Variants in FBXO8 observed in about 807,000 individuals in gnomAD.
The protein encoded by FBXO8 is F-box only protein 8.
In FBXO8, 15 loss-of-function variants were observed where a neutral mutation model predicts 33.4. That is an observed-to-expected ratio of 0.45 (90% CI 0.30 to 0.69). The LOEUF (loss-of-function observed/expected upper bound fraction) is 0.69, where lower values mean the gene tolerates loss of function less well. Among genes scored for constraint, FBXO8 ranks in the 30% least tolerant of loss-of-function variants. The pLI is 0.08. For synonymous variants in FBXO8, 132 were observed against 131.5 expected (o/e 1.00, Z -0.02); for missense variants, 274 against 380.3 (o/e 0.72, Z 2.32).
Position 174,257,803 on chromosome 4 carries a change from C to T in FBXO8, c.456+1896G>A, listed in dbSNP as rs553230602. On this transcript the variant is annotated intron_variant, in intron 3 of 5. Coordinates refer to ENST00000393674, the MANE Select transcript of FBXO8 (RefSeq NM_012180.3). This position sits in a 1 kb window ranked among gnomAD's most constrained non-coding sequence, Gnocchi z 4.3. Reference sequence around the variant, plus strand: ...AGAGTCTCACTCTCACAACTTACTGCGCCCTTGACCTCTGGGGCTCAAGTG... The same window carrying T: ...AGAGTCTCACTCTCACAACTTACTGTGCCCTTGACCTCTGGGGCTCAAGTG... Among the ~76,000 whole-genome samples, 15 of 152,164 alleles carry T rather than the reference C, an allele frequency of 9.9e-5. No homozygotes were observed. Among genetic ancestry groups the T allele is most frequent in the East Asian group, 7.7e-4 (4 of 5,174 alleles).
At position 174,251,060 on chromosome 4, in the gene FBXO8, T is replaced by C. The variant is rs553338450; in HGVS notation, c.456+8639A>G. On this transcript the variant is annotated intron_variant, in intron 3 of 5. Transcript: ENST00000393674. This position sits in a 1 kb window ranked among gnomAD's most constrained non-coding sequence, Gnocchi z 4.2. Reference sequence around the variant, plus strand: ...CAATGTACCACTGTAAAGTCTCTAGTTACAATTACTTAAATTGCTAACAAA... The same window carrying C: ...CAATGTACCACTGTAAAGTCTCTAGCTACAATTACTTAAATTGCTAACAAA... Among the ~76,000 whole-genome samples, 81 of 152,252 alleles carry C rather than the reference T, an allele frequency of 5.3e-4. No homozygotes were observed. Among genetic ancestry groups the C allele is most frequent in the African/African-American group, 1.9e-3 (77 of 41,552 alleles).
intron 1 of FBXO8, among the ~76,000 whole-genome samples, chr4:174,279,371 T>C (rs993264598): frequency 2.6e-5 from 4 of 151,950 alleles, no homozygotes; most frequent in Non-Finnish European, 4.4e-5. Context: ...GAAAGACAAA[T>C]AAATGGAAGT....
intron 1 of FBXO8, among the ~76,000 whole-genome samples, chr4:174,268,104 G>T (rs1039418379): frequency 1.3e-5 from 2 of 152,130 alleles, no homozygotes; most frequent in African/African-American, 2.4e-5. Context: ...TGTTATTCAT[G>T]GCAATTATGT....
At chr4:174,248,975 GGT>G (rs1170701815) in intron 3 of FBXO8, among the ~76,000 whole-genome samples, 1 of 151,950 alleles carries the variant, frequency 6.6e-6, no homozygotes, top group African/African-American at 2.4e-5. Context: ...GTATAGGACA[GGT>G]CTTCCTGCTT....
At position 174,272,441 on chromosome 4, in the gene FBXO8, A is replaced by G. The variant is rs186082599; in HGVS notation, c.-8-9341T>C. ...ATTTATTGTTGTACTGTTACTTTCT[A>G]TTTTTTTCCAAATAGTTTCAATTGT... On this transcript the variant is annotated intron_variant, in intron 1 of 5. Transcript: ENST00000393674. The surrounding 1 kb of genome is among the most constrained non-coding windows in gnomAD (Gnocchi z 4.7). 6.6e-5 allele frequency among the ~76,000 whole-genome samples: 10 copies of G among 152,198 alleles called. No homozygotes were observed. In the East Asian group the frequency reaches 1.7e-3, roughly 26 times the overall value.
intron 3 of FBXO8, among the ~76,000 whole-genome samples, chr4:174,243,736 T>C (rs1160722584): frequency 1.3e-5 from 2 of 151,206 alleles, no homozygotes; most frequent in Non-Finnish European, 3.0e-5. Flanking sequence ...TAGTCAGGAC[T>C]AGAACTCTGA....
In FBXO8 at chr4:174,254,028, G is replaced by C. The variant is rs1291595711; in HGVS notation, c.456+5671C>G. 1.3e-5 allele frequency among the ~76,000 whole-genome samples: 2 copies of C among 152,088 alleles called. No homozygotes were observed. The highest frequency in any genetic ancestry group is 4.8e-5 in the African/African-American group (2 of 41,406). On this transcript the variant is annotated intron_variant, in intron 3 of 5. Transcript: ENST00000393674. The surrounding 1 kb of genome is among the most constrained non-coding windows in gnomAD (Gnocchi z 4.2). ...TCTTTTGAAGTAAACAAATGTAAAG[G>C]GTTTAAGTCACAGTTTAGGTTCTCT...
At chr4:174,276,385 G>A (rs557994232) in intron 1 of FBXO8, among the ~76,000 whole-genome samples, 7 of 152,066 alleles carry the variant, frequency 4.6e-5, no homozygotes, top group Admixed American at 2.6e-4. Context: ...CTACAGGCGC[G>A]CACCGCCATG....
In FBXO8 at chr4:174,259,519, T is replaced by A. The variant is rs529245866; in HGVS notation, c.456+180A>T. Among the ~76,000 whole-genome samples the A allele has an allele frequency of 5.3e-5, 8 of 152,204 alleles. No homozygotes were observed. The East Asian group carries it at 5.8e-4, about 11-fold the overall frequency. ...CAGGTAGAAAGGTTAGAACGTGACA[T>A]GGTAAGGCGAAGAAAAATGACTATG... On this transcript the variant is annotated intron_variant, in intron 3 of 5. Coordinates refer to ENST00000393674, the MANE Select transcript of FBXO8 (RefSeq NM_012180.3). The surrounding 1 kb of genome is among the most constrained non-coding windows in gnomAD (Gnocchi z 4.3).
At position 174,281,213 on chromosome 4, in the gene FBXO8, ACAAATCACTACTCCATATAG is replaced by A. The variant is rs1195589223; in HGVS notation, c.-9+2177_-9+2196del. On this transcript the variant is annotated intron_variant, in intron 1 of 5. Transcript: ENST00000393674. This position sits in a 1 kb window ranked among gnomAD's most constrained non-coding sequence, Gnocchi z 4.6. ...TTTTTTCCCTATATTCATGACTTCC[ACAAATCACTACTCCATATAG>A]AGTCTCTCCAAGCTTGGCTTACTTG... Among the ~76,000 whole-genome samples the A allele has an allele frequency of 2.0e-5, 3 of 152,020 alleles. No homozygotes were observed. The highest frequency in any genetic ancestry group is 6.6e-5 in the Admixed American group (1 of 15,242).
rs1240797548 is a variant in FBXO8, at chr4:174,237,049, A to T, written c.*363T>A. On this transcript the variant is annotated 3_prime_UTR_variant, in exon 6 of 6. Coordinates refer to ENST00000393674, the MANE Select transcript of FBXO8 (RefSeq NM_012180.3). This position sits in a 1 kb window ranked among gnomAD's most constrained non-coding sequence, Gnocchi z 4.4. The stretch of plus-strand genomic sequence containing the variant: ...TATAAATCTCTTTAGTTAAATATGT[A>T]CACATTACATGGTATTTGTATAAAG... 6.1e-6 allele frequency: 1 copy of T among 164,740 alleles called. No homozygotes were observed. Among genetic ancestry groups the T allele is most frequent in the Non-Finnish European group, 1.3e-5 (1 of 75,856 alleles). 10.2% of individuals were successfully genotyped at this position (164,740 alleles called of 1,614,324 possible).
chr4:174,259,643 T>C lies in FBXO8; in HGVS notation c.456+56A>G. The C allele has an allele frequency of 6.4e-7, 1 of 1,568,042 alleles. No individual in the cohort carries two copies. Among genetic ancestry groups the C allele is most frequent in the Non-Finnish European group, 8.6e-7 (1 of 1,164,394 alleles). ...CTGCTAGTTTATGATATTGGAAAGC[T>C]GCAGCAAGATAGTAATAAAGGTCAC... On this transcript the variant is annotated intron_variant, in intron 3 of 5. Transcript: ENST00000393674. The surrounding 1 kb of genome is among the most constrained non-coding windows in gnomAD (Gnocchi z 4.3).
rs934614090 is a variant in FBXO8 at position 174,275,605 on chromosome 4, T to G, written c.-9+7805A>C. 7.2e-5 allele frequency among the ~76,000 whole-genome samples: 11 copies of G among 152,176 alleles called. No homozygotes were observed. The highest frequency in any genetic ancestry group is 2.7e-4 in the African/African-American group (11 of 41,456). On this transcript the variant is annotated intron_variant, in intron 1 of 5. Coordinates refer to ENST00000393674, the MANE Select transcript of FBXO8 (RefSeq NM_012180.3). This position sits in a 1 kb window ranked among gnomAD's most constrained non-coding sequence, Gnocchi z 4.4. ...CACATTTAAAGTGAATGAATTTTAT[T>G]GTATGTAAATGATACCTTAATAAAG...
rs1391218793 is a variant in FBXO8, at chr4:174,265,480, G to A, written c.-8-2380C>T. ...CATTATGCGAATGTATAAATAAGCT[G>A]TGGTACAGTATATCTATACAATGGG... On this transcript the variant is annotated intron_variant, in intron 1 of 5. Coordinates refer to ENST00000393674, the MANE Select transcript of FBXO8 (RefSeq NM_012180.3). The surrounding 1 kb of genome is among the most constrained non-coding windows in gnomAD (Gnocchi z 4.7). 6.6e-6 allele frequency among the ~76,000 whole-genome samples: 1 copy of A among 152,132 alleles called. No individual in the cohort carries two copies. Among genetic ancestry groups the A allele is most frequent in the Non-Finnish European group, 1.5e-5 (1 of 67,992 alleles).
intron 5 of FBXO8, among the ~76,000 whole-genome samples, chr4:174,238,687 TAATA>T (rs1735947972): frequency 6.7e-6 from 1 of 149,170 alleles, no homozygotes; most frequent in Non-Finnish European, 1.5e-5. Context: ...TATAAATTTG[TAATA>T]TATATATTTA....
intron 1 of FBXO8, among the ~76,000 whole-genome samples, chr4:174,280,876 G>A (rs984287387): frequency 3.3e-5 from 5 of 152,160 alleles, no homozygotes; most frequent in African/African-American, 7.2e-5. Flanking sequence ...CTAGGAATGG[G>A]GAAGGGGAAT....
rs952238786 is a variant in FBXO8 at position 174,247,732 on chromosome 4, T to C, written c.457-6514A>G. 6.6e-6 allele frequency among the ~76,000 whole-genome samples: 1 copy of C among 152,030 alleles called. No homozygotes were observed. Among genetic ancestry groups the C allele is most frequent in the Non-Finnish European group, 1.5e-5 (1 of 67,978 alleles). On this transcript the variant is annotated intron_variant, in intron 3 of 5. Coordinates refer to ENST00000393674, the MANE Select transcript of FBXO8 (RefSeq NM_012180.3). This position sits in a 1 kb window ranked among gnomAD's most constrained non-coding sequence, Gnocchi z 4.6. ...AATGTAAAAATTAAGTGACACAATA[T>C]ACGTTATTAATAGTAAAAATAATTG...
chr4:174,253,942 AC>A lies in FBXO8; in HGVS notation c.456+5756del, dbSNP rs143637356. On this transcript the variant is annotated intron_variant, in intron 3 of 5. Coordinates refer to ENST00000393674, the MANE Select transcript of FBXO8 (RefSeq NM_012180.3). The surrounding 1 kb of genome is among the most constrained non-coding windows in gnomAD (Gnocchi z 4.5). ...ATCAAGAGAGGGTGAAAGTCAACAC[AC>A]TCAGGTCCATCAAGAGATCATCATC... is the stretch of plus-strand genomic sequence containing the variant. Among the ~76,000 whole-genome samples the A allele has an allele frequency of 4.8e-3, 735 of 152,214 alleles. 5 individuals carry two copies. The highest frequency in any genetic ancestry group is 0.017 in the African/African-American group (690 of 41,534).
rs1257708110 is a variant in FBXO8, at chr4:174,262,995, A to G, written c.98T>C (p.Met33Thr). 1 of 1,613,946 alleles carries G rather than the reference A, an allele frequency of 6.2e-7. No individual in the cohort carries two copies. The highest frequency in any genetic ancestry group is 8.5e-7 in the Non-Finnish European group (1 of 1,179,942). The change falls in exon 2 of 6, where the codon ATG becomes ACG. Residue 33 changes from methionine (M) to threonine (T), a missense_variant. Physicochemically the swap from Met to Thr is moderately conservative, Grantham distance 81. Coordinates refer to ENST00000393674, the MANE Select transcript of FBXO8 (RefSeq NM_012180.3). This position sits in a 1 kb window ranked among gnomAD's most constrained non-coding sequence, Gnocchi z 4.6. ...GGTGTTAGAAATGTTGCTCGCAGCC[A>G]TTCTCCTGCTCTGCTCTCTGGTGAG... ...GYLTREQSRR[M>T]AASNISNTNH...
Sources: gnomAD v4.1 joint callset for allele counts (sites outside exome capture counted in the v4.1 genomes callset) on GRCh38, gnomAD v4.1.1 for gene constraint, Gnocchi (gnomAD v3.1) non-coding constraint, MANE v1.5 for transcripts, NCBI Gene and HGNC (gene_info 2026-07-23, HGNC 2026-07-21) for gene names.